ADAMTS7: variants seen among roughly 807,000 people sequenced by gnomAD.
ADAMTS7 encodes the protein ADAM metallopeptidase with thrombospondin type 1 motif 7, also known as A disintegrin and metalloproteinase with thrombospondin motifs 7.
In ADAMTS7, 89 loss-of-function variants were observed where a neutral mutation model predicts 172.6. The observed-to-expected ratio is 0.52, with a 90% confidence interval of 0.43 to 0.61. ADAMTS7 has a LOEUF of 0.61. Ranked by LOEUF, ADAMTS7 falls within the 20% of genes least tolerant of loss-of-function variation. The pLI is 0.00. For synonymous variants in ADAMTS7, 885 were observed against 978.4 expected, an observed-to-expected ratio of 0.90 and a Z score of 1.78; for missense variants, 1,973 against 2,355.6, an observed-to-expected ratio of 0.84 and a Z score of 3.36.
intron 1 of ADAMTS7, among the ~76,000 whole-genome samples, chr15:78,801,983 A>G (rs11856536): frequency 0.33 from 49,664 of 151,858 alleles, 9,388 homozygotes; most frequent in Non-Finnish European, 0.44. Flanking sequence ...GTGAGGCACC[A>G]AGGCTGGCCC....
Position 78,789,772 on chromosome 15 carries a change from C to G in ADAMTS7, c.1095G>C (p.Met365Ile), listed in dbSNP as rs779300992. The G allele has an allele frequency of 6.2e-7, 1 of 1,608,654 alleles. No homozygotes were observed. The highest frequency in any genetic ancestry group is 8.5e-7 in the Non-Finnish European group (1 of 1,178,070). The change falls in exon 7 of 24, where the codon ATG (methionine) becomes ATC (isoleucine). Residue 365 changes from methionine to isoleucine, a missense_variant. Physicochemically the swap from Met to Ile is conservative, Grantham distance 10 (BLOSUM62 1). Around this residue, in one of 8 missense-constraint regions of ADAMTS7, gnomAD observed 526 missense variants for 662.9 expected, o/e 0.79. Transcript: ENST00000388820. Reference sequence around the variant, plus strand: ...TGCTGCAGCTGCGGTGCGGCTGGCACATGCCCGCCACATGGGACAGTCCCA... The same window carrying G: ...TGCTGCAGCTGCGGTGCGGCTGGCAGATGCCCGCCACATGGGACAGTCCCA... ...ETLGLSHVAG[M>I]CQPHRSCSIN...
chr15:78,775,190 A>G (rs950070805), intron 11 of ADAMTS7, among the ~76,000 whole-genome samples: 4 of 152,192 alleles, frequency 2.6e-5, no homozygotes, highest in African/African-American at 9.7e-5. Flanking sequence ...TCTCCAGCCC[A>G]TGACACCAGC....
At chr15:78,781,443 C>T (rs1397471949) in intron 8 of ADAMTS7, among the ~76,000 whole-genome samples, 4 of 152,132 alleles carry the variant, frequency 2.6e-5, no homozygotes, top group African/African-American at 9.7e-5. Context: ...TTCTTCCTCC[C>T]AAACACCCCT....
At chr15:78,772,685 C>T (rs1379858453) in intron 14 of ADAMTS7, among the ~76,000 whole-genome samples, 1 of 152,272 alleles carries the variant, frequency 6.6e-6, no homozygotes, top group Non-Finnish European at 1.5e-5. Context: ...TGTCCCCCTC[C>T]AGGACTAAGC....
intron 3 of ADAMTS7, 46 bp downstream of exon 3, chr15:78,797,902 C>T: frequency 6.4e-7 from 1 of 1,571,426 alleles, no homozygotes; most frequent in Non-Finnish European, 8.6e-7. Context: ...CCCTTCATGT[C>T]CCCAGGCCCA....
intron 1 of ADAMTS7, among the ~76,000 whole-genome samples, chr15:78,803,517 A>G (rs1303573292): frequency 1.3e-5 from 2 of 151,740 alleles, no homozygotes; most frequent in Non-Finnish European, 2.9e-5. Flanking sequence ...CAGTAGCTCA[A>G]TCTTGGCTCA....
intron 4 of ADAMTS7, among the ~76,000 whole-genome samples, chr15:78,792,465 C>T (rs1488770581): frequency 6.6e-6 from 1 of 152,176 alleles, no homozygotes; most frequent in Non-Finnish European, 1.5e-5. Context: ...AAATGCAAAC[C>T]TCATCATGAC....
Position 78,788,239 on chromosome 15 carries a change from C to A in ADAMTS7, c.1314G>T (p.Arg438Ser). The part of the protein sequence containing the change: ...WSRCSRQYIT[R>S]FLDRGWGLCL... ...AGGGCTGGGGGACTTACTCAAGGAA[C>A]CTGGTGATATACTGGCGGCTGCAGC... The change falls in exon 8 of 24, where the codon AGG becomes AGT. Residue 438 changes from arginine to serine, a missense_variant. Transcript: ENST00000388820. 6.2e-7 allele frequency: 1 copy of A among 1,613,574 alleles called. No homozygotes were observed. Among genetic ancestry groups the A allele is most frequent in the Admixed American group, 1.7e-5 (1 of 60,008 alleles).
rs1358544676 is a variant in ADAMTS7, at chr15:78,777,500, T to C, written c.1411A>G (p.Ser471Gly). ...CCGTACTGGAGGCGGCACTGGTGGC[T>C]TACATCATAGAGGACGCCAGGTGGC... ...SVPPGVLYDV[S>G]HQCRLQYGAY... Residue 471 changes from serine to glycine, a missense_variant, in exon 9 of 24, where the codon AGC becomes GGC. Coordinates refer to ENST00000388820, the MANE Select transcript of ADAMTS7 (RefSeq NM_014272.5). 14 of 1,612,520 alleles carry C rather than the reference T, an allele frequency of 8.7e-6. No homozygotes were observed. The highest frequency in any genetic ancestry group is 1.2e-5 in the Non-Finnish European group (14 of 1,179,512).
intron 1 of ADAMTS7, among the ~76,000 whole-genome samples, chr15:78,802,262 G>A (rs921328562): frequency 6.6e-5 from 10 of 152,196 alleles, no homozygotes; most frequent in African/African-American, 1.2e-4. Context: ...CGATGCTGTC[G>A]TGAGGATTAA....
intron 8 of ADAMTS7, among the ~76,000 whole-genome samples, chr15:78,783,569 C>A (rs1442270060): frequency 6.6e-6 from 1 of 152,040 alleles, no homozygotes; most frequent in Non-Finnish European, 1.5e-5. Context: ...TGAGCCACCA[C>A]GCCTGGCCAA....
rs779232396 is a variant in ADAMTS7 at position 78,800,417 on chromosome 15, G to A, written c.231C>T (p.Asp77=). 1.2e-6 allele frequency: 2 copies of A among 1,609,434 alleles called. No individual in the cohort carries two copies. The highest frequency in any genetic ancestry group is 2.2e-5 in the East Asian group (1 of 44,808). ...LRKRDVSVRR[D]APAFYELQYR... ...ATTGTAGCTCGTAGAAGGCGGGCGCGTCTCGGCGCACAGATACATCCCGCT... is the reference window on the plus strand; with the variant it reads ...ATTGTAGCTCGTAGAAGGCGGGCGCATCTCGGCGCACAGATACATCCCGCT... The change falls in exon 2 of 24, where the codon GAC becomes GAT. Residue 77 remains aspartate, a synonymous_variant. Coordinates refer to ENST00000388820, the MANE Select transcript of ADAMTS7 (RefSeq NM_014272.5).
intron 1 of ADAMTS7, among the ~76,000 whole-genome samples, chr15:78,809,683 T>C (rs1216480015): frequency 3.3e-5 from 5 of 152,194 alleles, no homozygotes; most frequent in African/African-American, 1.2e-4. Context: ...AGGACCCAAG[T>C]CCTGAGGGAA....
intron 23 of ADAMTS7, among the ~76,000 whole-genome samples, chr15:78,760,079 G>A (rs1477560408): frequency 2.7e-5 from 4 of 148,604 alleles, no homozygotes; most frequent in African/African-American, 7.7e-5. Flanking sequence ...ACTCAGCCTC[G>A]GGTTCTGAGT....
intron 1 of ADAMTS7, among the ~76,000 whole-genome samples, chr15:78,801,363 C>G (rs2055723217): frequency 6.6e-6 from 1 of 152,138 alleles, no homozygotes; most frequent in Admixed American, 6.5e-5. Context: ...CTCCACAGGC[C>G]AGACGTGCTC....
rs1296548146 is a variant in ADAMTS7 at position 78,789,827 on chromosome 15, C to T, written c.1040G>A (p.Cys347Tyr). Residue 347 changes from cysteine (C) to tyrosine (Y), a missense_variant, in exon 7 of 24, where the codon TGT becomes TAT. Cys to Tyr is a radical substitution (Grantham distance 194, BLOSUM62 -2). Coordinates refer to ENST00000388820, the MANE Select transcript of ADAMTS7 (RefSeq NM_014272.5). ...CTCACAGGGCCGGTTCATGGCTGCA[C>T]ACAGGTCCTTTCTGCACAGGCAAAG... ...TAILLTRKDL[C>Y]AAMNRPCETL... 1.9e-6 allele frequency: 3 copies of T among 1,593,758 alleles called. No homozygotes were observed. The highest frequency in any genetic ancestry group is 1.3e-5 in the African/African-American group (1 of 74,766).
At chr15:78,777,672 A>T (rs1323147018) in intron 8 of ADAMTS7, 84 bp from the exon 9 acceptor site, 1 of 1,513,210 alleles carries the variant, frequency 6.6e-7, no homozygotes, top group Non-Finnish European at 8.9e-7. Flanking sequence ...ACAGGAGGAG[A>T]GGTGGGAGGG....
In ADAMTS7 at chr15:78,791,237, G is replaced by T. The variant is rs2055576869; in HGVS notation, c.820-14C>A. 4 of 1,606,508 alleles carry T rather than the reference G, an allele frequency of 2.5e-6. No homozygotes were observed. The highest frequency in any genetic ancestry group is 1.7e-5 in the Admixed American group (1 of 59,560). Reference sequence around the variant, plus strand: ...CAGGCCAGCCACCTGCCCAAGAGATGGGGGGGTCAGGTTGTCACGAGGATG... The same window carrying T: ...CAGGCCAGCCACCTGCCCAAGAGATTGGGGGGTCAGGTTGTCACGAGGATG... On this transcript the variant is annotated splice_polypyrimidine_tract_variant and intron_variant, in intron 4 of 23. Transcript: ENST00000388820.
chr15:78,805,160 A>G (rs1405390247), intron 1 of ADAMTS7, among the ~76,000 whole-genome samples: 1 of 152,316 alleles, frequency 6.6e-6, no homozygotes, highest in East Asian at 1.9e-4. Context: ...TGGCATTCAG[A>G]AGCCACCGGA....
Sources: allele counts gnomAD v4.1 joint callset (sites outside exome capture counted in the v4.1 genomes callset), GRCh38; gene constraint gnomAD v4.1.1; regional missense constraint gnomAD v4.1.1; transcripts MANE v1.5; gene names NCBI Gene and HGNC (gene_info 2026-07-23, HGNC 2026-07-21).